TALDO1: variants seen among roughly 807,000 people sequenced by gnomAD.
The protein encoded by TALDO1 is transaldolase.
A neutral mutation model predicts 38.1 loss-of-function variants in TALDO1; 29 were observed. That is an observed-to-expected ratio of 0.76 (90% CI 0.57 to 1.04). The LOEUF (loss-of-function observed/expected upper bound fraction) is 1.04. Among genes scored for constraint, TALDO1 ranks in the 50% least tolerant of loss-of-function variants. TALDO1 has a pLI of 0.00. For missense variants in TALDO1, 499 were observed against 438.1 expected (o/e 1.14, Z -1.24); for synonymous variants, 207 against 176.8 (o/e 1.17, Z -1.36).
In TALDO1 at chr11:763,474, G is replaced by A; in HGVS notation, c.592G>A (p.Val198Met). ...PFVGRILDWHVANTDKKSYEP... is the reference protein window; with the variant it reads ...PFVGRILDWHMANTDKKSYEP... ...TGTTGGGCGCATCCTTGATTGGCAT[G>A]TGGCAAACACCGACAAGAAATCCTA... Residue 198 changes from valine to methionine, a missense_variant, in exon 5 of 8, where the codon GTG becomes ATG. Physicochemically the swap from Val to Met is conservative, Grantham distance 21 (BLOSUM62 1). Coordinates refer to ENST00000319006, the MANE Select transcript of TALDO1 (RefSeq NM_006755.2). The A allele has an allele frequency of 6.2e-7, 1 of 1,613,616 alleles. No homozygotes were observed. The highest frequency in any genetic ancestry group is 8.5e-7 in the Non-Finnish European group (1 of 1,179,932).
At chr11:753,347 C>A (rs531805667) in intron 1 of TALDO1, among the ~76,000 whole-genome samples, 1 of 151,804 alleles carries the variant, frequency 6.6e-6, no homozygotes, top group South Asian at 2.1e-4. Context: ...CTGGCTAACA[C>A]GGTGAAACCC....
At position 764,314 on chromosome 11, in the gene TALDO1, C is replaced by T. The variant is rs747756044; in HGVS notation, c.862C>T (p.His288Tyr). ...AAQASDLEKIHLDEKSFRWLH... is the reference protein window; with the variant it reads ...AAQASDLEKIYLDEKSFRWLH... ...CCAAGCCAGTGACCTGGAAAAAATC[C>T]ACCTGGATGAGAAGTCTTTCCGTTG... The change falls in exon 7 of 8, where the codon CAC becomes TAC. Residue 288 changes from histidine to tyrosine, a missense_variant. Physicochemically the swap from His to Tyr is moderately conservative, Grantham distance 83. Coordinates refer to ENST00000319006, the MANE Select transcript of TALDO1 (RefSeq NM_006755.2). 9.3e-6 allele frequency: 15 copies of T among 1,614,122 alleles called. No individual in the cohort carries two copies. The highest frequency in any genetic ancestry group is 1.3e-5 in the Non-Finnish European group (15 of 1,180,048).
chr11:752,109 C>T (rs2133569843), intron 1 of TALDO1, among the ~76,000 whole-genome samples: 1 of 151,958 alleles, frequency 6.6e-6, no homozygotes, highest in Non-Finnish European at 1.5e-5. Flanking sequence ...CTCGCTCTGT[C>T]GCCCAGGCTG....
chr11:751,057 T>C (rs894194894), intron 1 of TALDO1, among the ~76,000 whole-genome samples: 5 of 152,046 alleles, frequency 3.3e-5, no homozygotes, highest in African/African-American at 1.2e-4. Context: ...GGTTTTTGTT[T>C]TTGGGGTTTT....
chr11:756,376 C>T (rs1862838468), intron 2 of TALDO1: 1 of 265,000 alleles, frequency 3.8e-6, no homozygotes, highest in Admixed American at 4.9e-5. Context: ...CTCGCTGTGT[C>T]ACCCAGGCTG....
rs764703431 is a variant in TALDO1 at position 760,142 on chromosome 11, C to T, written c.350C>T (p.Ala117Val). 12 of 1,613,946 alleles carry T rather than the reference C, an allele frequency of 7.4e-6. No individual in the cohort carries two copies. In the African/African-American group the frequency reaches 9.3e-5, roughly 13 times the overall value. ...VDARLSFDKD[A>V]MVARARRLIE... ...TACAGGCTCTCCTTTGATAAAGATG[C>T]GATGGTGGCCAGAGCCAGGCGGCTC... The change falls in exon 4 of 8, where the codon GCG (alanine) becomes GTG (valine). Residue 117 changes from alanine to valine, a missense_variant. Ala to Val is a moderately conservative substitution (Grantham distance 64, BLOSUM62 0). Transcript: ENST00000319006.
At chr11:750,668 C>CA (rs531791767) in intron 1 of TALDO1, among the ~76,000 whole-genome samples, 195 of 151,860 alleles carry the variant, frequency 1.3e-3, no homozygotes, top group South Asian at 8.1e-3. Context: ...ACTAAAAATA[C>CA]AAAAAAATTA....
chr11:762,241 G>A (rs1400929598), intron 4 of TALDO1, among the ~76,000 whole-genome samples: 1 of 152,216 alleles, frequency 6.6e-6, no homozygotes, highest in East Asian at 1.9e-4. Context: ...TGGGATCACA[G>A]GTTTGAGCCA....
chr11:749,377 G>A (rs1225177985), intron 1 of TALDO1, among the ~76,000 whole-genome samples: 1 of 146,598 alleles, frequency 6.8e-6, no homozygotes, highest in African/African-American at 2.6e-5. Context: ...ACTCCAGCCT[G>A]GGCGACAGAG....
intron 3 of TALDO1, 92 bp downstream of exon 3, chr11:759,149 C>T: frequency 9.1e-7 from 1 of 1,100,276 alleles, no homozygotes; most frequent in Non-Finnish European, 1.4e-6. Context: ...GCTGCTCCAC[C>T]CATGGTCTTC....
At chr11:762,028 CTA>C (rs1028539754) in intron 4 of TALDO1, among the ~76,000 whole-genome samples, 2 of 152,042 alleles carry the variant, frequency 1.3e-5, no homozygotes, top group African/African-American at 4.8e-5. Flanking sequence ...TGCAATGGTG[CTA>C]TCTCAGCTCA....
rs1862983622 is a variant in TALDO1, at chr11:763,300, CCCCGCCCTCACCTGCCCCGCCCTCACCT to C, written c.462-43_462-16del. 9.9e-6 allele frequency: 3 copies of C among 303,188 alleles called. No individual in the cohort carries two copies. The highest frequency in any genetic ancestry group is 1.7e-5 in the Non-Finnish European group (3 of 179,088). The allele number at this position is 303,188 out of a possible 1,614,324, so 18.8% of individuals were successfully genotyped here. A position where few individuals can be genotyped will look rare whatever the true frequency, so the allele number is the denominator to read the frequency against. ...CTCACCCGCCCCCGCCCTCACCTGT[CCCCGCCCTCACCTGCCCCGCCCTCACCT>C]GTCCCCGCCCCGCAGGGAGCTCGAG... On this transcript the variant is annotated splice_polypyrimidine_tract_variant and intron_variant, in intron 4 of 7. Transcript: ENST00000319006.
At chr11:761,933 T>C (rs928436938) in intron 4 of TALDO1, among the ~76,000 whole-genome samples, 1 of 152,198 alleles carries the variant, frequency 6.6e-6, no homozygotes, top group African/African-American at 2.4e-5. Context: ...ATTATAGGCA[T>C]GAGCCATTGT....
chr11:764,320 G>C lies in TALDO1; in HGVS notation c.868G>C (p.Asp290His). 1 of 1,614,250 alleles carries C rather than the reference G, an allele frequency of 6.2e-7. No homozygotes were observed. Among genetic ancestry groups the C allele is most frequent in the Non-Finnish European group, 8.5e-7 (1 of 1,180,042 alleles). Residue 290 changes from aspartate (D) to histidine (H), a missense_variant, in exon 7 of 8, where the codon GAT (aspartate) becomes CAT (histidine). Coordinates refer to ENST00000319006, the MANE Select transcript of TALDO1 (RefSeq NM_006755.2). ...QASDLEKIHL[D>H]EKSFRWLHNE... The stretch of plus-strand genomic sequence containing the variant: ...CAGTGACCTGGAAAAAATCCACCTG[G>C]ATGAGAAGTCTTTCCGTTGGTTGCA...
Position 763,452 on chromosome 11 carries a change from T to C in TALDO1, c.570T>C (p.Val190=). The change falls in exon 5 of 8, where the codon GTT becomes GTC. Residue 190 remains valine, a synonymous_variant. Coordinates refer to ENST00000319006, the MANE Select transcript of TALDO1 (RefSeq NM_006755.2). ...GTGTGACCCTCATCTCCCCATTTGT[T>C]GGGCGCATCCTTGATTGGCATGTGG... is the stretch of plus-strand genomic sequence containing the variant. ...EAGVTLISPF[V]GRILDWHVAN... is the part of the protein sequence containing the mutation. The C allele has an allele frequency of 6.2e-7, 1 of 1,613,330 alleles. No individual in the cohort carries two copies. The highest frequency in any genetic ancestry group is 8.5e-7 in the Non-Finnish European group (1 of 1,179,834).
chr11:749,724 TG>T (rs1862720490), intron 1 of TALDO1, among the ~76,000 whole-genome samples: 1 of 152,208 alleles, frequency 6.6e-6, no homozygotes, highest in Non-Finnish European at 1.5e-5. Context: ...GTTTTAATTT[TG>T]TAAAAGCCAT....
chr11:763,319 G>T, intron 4 of TALDO1, 25 bp from the exon 5 acceptor site: 2 of 1,032,542 alleles, frequency 1.9e-6, no homozygotes, highest in South Asian at 2.6e-5. Flanking sequence ...CACCTGCCCC[G>T]CCCTCACCTG....
intron 1 of TALDO1, among the ~76,000 whole-genome samples, chr11:752,027 C>T (rs1469000470): frequency 6.6e-6 from 1 of 152,010 alleles, no homozygotes; most frequent in Non-Finnish European, 1.5e-5. Context: ...GGAATCTTTC[C>T]TGCCTGTTTT....
intron 1 of TALDO1, among the ~76,000 whole-genome samples, chr11:750,852 T>TGGC (rs1862739379): frequency 6.6e-6 from 1 of 151,748 alleles, no homozygotes; most frequent in Non-Finnish European, 1.5e-5. Context: ...GTTACTGAAC[T>TGGC]GGCTAATCTG....
Sources: gnomAD v4.1 joint callset for allele counts (sites outside exome capture counted in the v4.1 genomes callset) on GRCh38, gnomAD v4.1.1 for gene constraint, MANE v1.5 for transcripts, NCBI Gene and HGNC (gene_info 2026-07-23, HGNC 2026-07-21) for gene names.